The following HYCC1 variants were observed in gnomAD, a reference collection of about 807,000 sequenced individuals.
The protein encoded by HYCC1 is hyccin PI4KA lipid kinase complex subunit 1.
chr7:22,978,630 A>G, the HYCC1 span, among the ~76,000 whole-genome samples: 1 of 152,176 alleles, frequency 6.6e-6, no homozygotes, highest in South Asian at 2.1e-4. Flanking sequence ...ACATGCCACT[A>G]TATAAAGGAT....
At chr7:22,915,549 G>A in the HYCC1 span, among the ~76,000 whole-genome samples, 1 of 152,214 alleles carries the variant, frequency 6.6e-6, no homozygotes, top group South Asian at 2.1e-4. Context: ...AAGGCTCTCT[G>A]ACTGACTCCT....
At chr7:22,934,496 A>G in the HYCC1 span, 1 of 152,132 alleles carries the variant, frequency 6.6e-6, no homozygotes, top group South Asian at 2.1e-4. Flanking sequence ...TAGCTGCAGA[A>G]TGTCTGCTCA....
At chr7:22,959,035 C>T in the HYCC1 span, among the ~76,000 whole-genome samples, 1 of 152,110 alleles carries the variant, frequency 6.6e-6, no homozygotes, top group Non-Finnish European at 1.5e-5. Context: ...TTACTTTCTA[C>T]CTGTAATCTA....
chr7:22,914,485 A>G, the HYCC1 span, among the ~76,000 whole-genome samples: 1 of 151,994 alleles, frequency 6.6e-6, no homozygotes, highest in African/African-American at 2.4e-5. Context: ...TTTTTCTGCA[A>G]CACCACTTGG....
chr7:22,915,235 G>A, the HYCC1 span, among the ~76,000 whole-genome samples: 6 of 152,258 alleles, frequency 3.9e-5, no homozygotes, highest in Non-Finnish European at 7.4e-5. Context: ...AATTAACCTC[G>A]CCTTCAAGGT....
the HYCC1 span, chr7:22,978,300 A>G: frequency 5.8e-5 from 93 of 1,614,004 alleles, no homozygotes; most frequent in East Asian, 1.1e-4. Context: ...AAGAGCTTCA[A>G]TGCATCCACT....
chr7:22,973,786 G>A, the HYCC1 span, among the ~76,000 whole-genome samples: 2 of 151,908 alleles, frequency 1.3e-5, no homozygotes, highest in African/African-American at 2.4e-5. Flanking sequence ...AGGTAAAATT[G>A]GTATATTAGC....
chr7:22,957,301 G>A, the HYCC1 span, among the ~76,000 whole-genome samples: 1 of 7,588 alleles, frequency 1.3e-4, no homozygotes, highest in African/African-American at 2.1e-4. Context: ...AAAGGGAGAT[G>A]GAAAAAAAAA....
At chr7:22,994,928 T>A in the HYCC1 span, among the ~76,000 whole-genome samples, 3 of 152,122 alleles carry the variant, frequency 2.0e-5, no homozygotes, top group Non-Finnish European at 4.4e-5. Flanking sequence ...CCATCTCCCA[T>A]CCCATCCTAA....
chr7:22,947,556 G>A, the HYCC1 span, among the ~76,000 whole-genome samples: 1 of 151,930 alleles, frequency 6.6e-6, no homozygotes, highest in Non-Finnish European at 1.5e-5. Context: ...AATAAAATTT[G>A]TTTTTAAATT....
chr7:22,910,723 T>C, the HYCC1 span, among the ~76,000 whole-genome samples: 2 of 152,236 alleles, frequency 1.3e-5, no homozygotes, highest in African/African-American at 4.8e-5. Context: ...TAAGCAGATC[T>C]ATTTTAGCAA....
At chr7:22,907,715 G>C in the HYCC1 span, among the ~76,000 whole-genome samples, 203 of 152,176 alleles carry the variant, frequency 1.3e-3, no homozygotes, top group Non-Finnish European at 2.2e-3. Context: ...TTTGAGACCA[G>C]CCTGGCCAAC....
At chr7:22,898,846 C>T in the HYCC1 span, among the ~76,000 whole-genome samples, 1 of 152,080 alleles carries the variant, frequency 6.6e-6, no homozygotes, top group Non-Finnish European at 1.5e-5. Context: ...TGTGATCTGC[C>T]CGCCTCGGCC....
At chr7:23,006,561 C>G in the HYCC1 span, among the ~76,000 whole-genome samples, 1 of 152,168 alleles carries the variant, frequency 6.6e-6, no homozygotes, top group Admixed American at 6.5e-5. Context: ...GCCACCGCAC[C>G]CGGCCAATTT....
the HYCC1 span, chr7:22,938,713 C>T: frequency 3.9e-5 from 6 of 152,086 alleles, no homozygotes; most frequent in African/African-American, 1.4e-4. Context: ...GAAGTTTGCC[C>T]TTTCTAACTA....
At chr7:22,984,805 T>C in the HYCC1 span, among the ~76,000 whole-genome samples, 1 of 152,122 alleles carries the variant, frequency 6.6e-6, no homozygotes, top group Non-Finnish European at 1.5e-5. Context: ...TTTAGACTTT[T>C]CAGAGCTAGA....
chr7:22,912,692 C>T, the HYCC1 span, among the ~76,000 whole-genome samples: 1 of 152,110 alleles, frequency 6.6e-6, no homozygotes, highest in African/African-American at 2.4e-5. Flanking sequence ...CCAATCTTTC[C>T]CCAAAGTAAC....
At chr7:22,961,116 G>C in the HYCC1 span, 4 of 665,924 alleles carry the variant, frequency 6.0e-6, no homozygotes, top group South Asian at 3.6e-5. Flanking sequence ...TGTATAACAA[G>C]AGCATGAATA....
chr7:22,920,197 G>A, the HYCC1 span, among the ~76,000 whole-genome samples: 1 of 152,006 alleles, frequency 6.6e-6, no homozygotes. Context: ...AATATTTTAA[G>A]CTAGGTAGGC....
Sources: gnomAD v4.1 joint callset for allele counts (sites outside exome capture counted in the v4.1 genomes callset) on GRCh38, gnomAD v4.1.1 for gene constraint, MANE v1.5 for transcripts, NCBI Gene and HGNC (gene_info 2026-07-23, HGNC 2026-07-21) for gene names.